The following CAPN2 variants were observed in gnomAD, a reference collection of about 807,000 sequenced individuals.
CAPN2 encodes the protein calpain-2 catalytic subunit.
A neutral mutation model predicts 102.3 loss-of-function variants in CAPN2; 92 were observed. The ratio of observed to expected loss-of-function variants is 0.90; its 90% confidence interval spans 0.76 to 1.07. The LOEUF (loss-of-function observed/expected upper bound fraction) is 1.07. Ranked by LOEUF, CAPN2 falls within the 50% of genes least tolerant of loss-of-function variation. The probability of loss-of-function intolerance (pLI) is 0.00; values close to 1 mark genes in which losing one functional copy is unlikely to be tolerated. For missense variants in CAPN2, 800 were observed against 909.4 expected, an observed-to-expected ratio of 0.88 and a Z score of 1.55; for synonymous variants, 340 against 355.4, an observed-to-expected ratio of 0.96 and a Z score of 0.49.
Position 223,755,063 on chromosome 1 carries a change from C to G in CAPN2, c.1136-417C>G, listed in dbSNP as rs569844447. On this transcript the variant is annotated intron_variant, in intron 9 of 20. Coordinates refer to ENST00000295006, the MANE Select transcript of CAPN2 (RefSeq NM_001748.5). This position sits in a 1 kb window ranked among gnomAD's most constrained non-coding sequence, Gnocchi z 4.1. Reference sequence around the variant, plus strand: ...GATTCAGACAAGTGCAGGTCATCCTCTCTCCACAGCTACCGTCACCCGTCT... The same window carrying G: ...GATTCAGACAAGTGCAGGTCATCCTGTCTCCACAGCTACCGTCACCCGTCT... Among the ~76,000 whole-genome samples, 3 of 152,116 alleles carry G rather than the reference C, an allele frequency of 2.0e-5. No individual in the cohort carries two copies. Among genetic ancestry groups the G allele is most frequent in the Non-Finnish European group, 4.4e-5 (3 of 68,028 alleles).
Position 223,759,138 on chromosome 1 carries a change from G to T in CAPN2, c.1318-132G>T, listed in dbSNP as rs536237681. ...AGGCTGGTTTCTGACGCCTGGCCTC[G>T]CCTCCTTATACACCAGGACAGCAGG... On this transcript the variant is annotated intron_variant, in intron 11 of 20. Coordinates refer to ENST00000295006, the MANE Select transcript of CAPN2 (RefSeq NM_001748.5). The surrounding 1 kb of genome is among the most constrained non-coding windows in gnomAD (Gnocchi z 4.6). 3 of 819,524 alleles carry T rather than the reference G, an allele frequency of 3.7e-6. No homozygotes were observed. 50.8% of individuals were successfully genotyped at this position (819,524 alleles called of 1,614,324 possible).
At chr1:223,752,142 GAA>G in intron 8 of CAPN2, 71 bp downstream of exon 8, 1 of 1,093,724 alleles carries the variant, frequency 9.1e-7, no homozygotes, top group East Asian at 2.4e-5. Flanking sequence ...CTGCTAATTA[GAA>G]AGAGTGTCGG....
intron 1 of CAPN2, among the ~76,000 whole-genome samples, chr1:223,714,621 TA>T (rs373544472): frequency 5.5e-4 from 72 of 130,934 alleles, no homozygotes; most frequent in East Asian, 2.9e-3. Context: ...TATAAAAAAG[TA>T]AAAAAAAAAA....
chr1:223,726,710 CT>C lies in CAPN2; in HGVS notation c.307+8881del, dbSNP rs1660198577. Among the ~76,000 whole-genome samples, 1 of 152,184 alleles carries C rather than the reference CT, an allele frequency of 6.6e-6. No homozygotes were observed. The highest frequency in any genetic ancestry group is 1.5e-5 in the Non-Finnish European group (1 of 68,036). On this transcript the variant is annotated intron_variant, in intron 2 of 20. Transcript: ENST00000295006. This position sits in a 1 kb window ranked among gnomAD's most constrained non-coding sequence, Gnocchi z 4.4. The stretch of plus-strand genomic sequence containing the variant: ...GCAGTTTAGGGAAGGAGGCTGAAGA[CT>C]TCTTGTTAATAAGGGTGGGGCATGA...
At position 223,772,048 on chromosome 1, in the gene CAPN2, C is replaced by T. The variant is rs1032750905; in HGVS notation, c.2020+123C>T. The T allele has an allele frequency of 6.2e-6, 7 of 1,131,242 alleles. No homozygotes were observed. In the East Asian group the frequency reaches 1.4e-4, roughly 23 times the overall value. 70.1% of individuals were successfully genotyped at this position (1,131,242 alleles called of 1,614,324 possible). ...TTCCAGGAGTTGAGAATGAAATTCC[C>T]TCTTTACTAATTTGAGGGTGAGGAA... On this transcript the variant is annotated intron_variant, in intron 19 of 20. Transcript: ENST00000295006.
At chr1:223,766,589 T>C (rs953400691) in intron 16 of CAPN2, among the ~76,000 whole-genome samples, 158 bp downstream of exon 16, 1 of 152,126 alleles carries the variant, frequency 6.6e-6, no homozygotes, top group Non-Finnish European at 1.5e-5. Context: ...CCTCCCTTAC[T>C]AGGGAAATGC....
chr1:223,737,972 A>G (rs1660510379), intron 2 of CAPN2, among the ~76,000 whole-genome samples: 1 of 151,752 alleles, frequency 6.6e-6, no homozygotes, highest in East Asian at 1.9e-4. Context: ...TGTGCCATTT[A>G]TTTATCTATA....
intron 2 of CAPN2, among the ~76,000 whole-genome samples, chr1:223,723,054 G>A (rs970248940): frequency 1.3e-5 from 2 of 152,174 alleles, no homozygotes; most frequent in Non-Finnish European, 2.9e-5. Flanking sequence ...AGTATGCAGT[G>A]GCTCACACCT....
At position 223,756,560 on chromosome 1, in the gene CAPN2, A is replaced by G. The variant is rs1406362814; in HGVS notation, c.1306-809A>G. Among the ~76,000 whole-genome samples the G allele has an allele frequency of 6.6e-6, 1 of 152,166 alleles. No individual in the cohort carries two copies. The stretch of plus-strand genomic sequence containing the variant: ...CAAATCAGAGCTTCCACCCTCTCCC[A>G]AGAGCCAGTTTCCCAGCACACCCCT... On this transcript the variant is annotated intron_variant, in intron 10 of 20. Coordinates refer to ENST00000295006, the MANE Select transcript of CAPN2 (RefSeq NM_001748.5). The surrounding 1 kb of genome is among the most constrained non-coding windows in gnomAD (Gnocchi z 4.1).
At chr1:223,737,476 C>T (rs896643981) in intron 2 of CAPN2, among the ~76,000 whole-genome samples, 4 of 152,216 alleles carry the variant, frequency 2.6e-5, no homozygotes, top group Admixed American at 6.5e-5. Context: ...GCAGAGACAC[C>T]GTCTGTCCCA....
rs538920789 is a variant in CAPN2, at chr1:223,712,718, G to A, written c.78G>A (p.Lys26=). The A allele has an allele frequency of 1.8e-5, 28 of 1,586,130 alleles. 1 individual carries two copies. The East Asian group carries it at 6.4e-4, about 36-fold the overall frequency. ...TGGGCTCCCACGACAGGGCCATCAA[G>A]TACCTCAACCAGGACTACGAGGCGC... ...EGLGSHDRAI[K]YLNQDYEALR... is the part of the protein sequence containing the mutation. The change falls in exon 1 of 21, where the codon AAG becomes AAA. Residue 26 remains lysine (K), a synonymous_variant. Transcript: ENST00000295006.
At chr1:223,764,595 A>G (rs1249615417) in intron 15 of CAPN2, among the ~76,000 whole-genome samples, 1 of 152,234 alleles carries the variant, frequency 6.6e-6, no homozygotes, top group Non-Finnish European at 1.5e-5. Flanking sequence ...CTGGAATCAC[A>G]GGCAAGTGCC....
chr1:223,710,499 A>G (rs1659705297), upstream of CAPN2, among the ~76,000 whole-genome samples: 1 of 151,822 alleles, frequency 6.6e-6, no homozygotes, highest in Non-Finnish European at 1.5e-5. Flanking sequence ...GTTCCTCCTT[A>G]GCCGAGGCTC....
At chr1:223,723,714 T>C (rs1250258597) in intron 2 of CAPN2, among the ~76,000 whole-genome samples, 1 of 152,036 alleles carries the variant, frequency 6.6e-6, no homozygotes, top group African/African-American at 2.4e-5. Context: ...CTGTGTTGCT[T>C]GGAGGCCCCT....
At chr1:223,702,632 G>C (rs1447601945) in intron 1 of CAPN2, among the ~76,000 whole-genome samples, 3 of 152,150 alleles carry the variant, frequency 2.0e-5, no homozygotes, top group Non-Finnish European at 4.4e-5. Context: ...ATCAAGAAGA[G>C]AGCAAAACGG....
At position 223,759,618 on chromosome 1, in the gene CAPN2, A is replaced by G. The variant is rs918135405; in HGVS notation, c.1529+137A>G. 2 of 655,084 alleles carry G rather than the reference A, an allele frequency of 3.1e-6. No homozygotes were observed. Among genetic ancestry groups the G allele is most frequent in the African/African-American group, 1.8e-5 (1 of 54,992 alleles). 40.6% of individuals were successfully genotyped at this position (655,084 alleles called of 1,614,324 possible). On this transcript the variant is annotated intron_variant, in intron 12 of 20. Transcript: ENST00000295006. This position sits in a 1 kb window ranked among gnomAD's most constrained non-coding sequence, Gnocchi z 4.6. Reference sequence around the variant, plus strand: ...TAACACCTGCCCACCTCGAAGGACTAGTGTGGGGATTTGATGGATTGAGGA... The same window carrying G: ...TAACACCTGCCCACCTCGAAGGACTGGTGTGGGGATTTGATGGATTGAGGA...
At position 223,764,207 on chromosome 1, in the gene CAPN2, C is replaced by T. The variant is rs1040817871; in HGVS notation, c.1690C>T (p.Arg564Cys). The T allele has an allele frequency of 3.1e-6, 5 of 1,612,966 alleles. No individual in the cohort carries two copies. The highest frequency in any genetic ancestry group is 2.2e-5 in the East Asian group (1 of 44,878). ...CATCCTGAGAAGGGTTCTAGCAAAG[C>T]GTGAGTATCCCCTCATTGCAAAACC... Reference protein sequence around the residue: ...QTILRRVLAKRQDIKSDGFSI... With the variant: ...QTILRRVLAKCQDIKSDGFSI... The change falls in exon 15 of 21, where the codon CGC (arginine) becomes TGC (cysteine). Residue 564 changes from arginine to cysteine, a missense_variant and splice_region_variant. Physicochemically the swap from Arg to Cys is radical, Grantham distance 180 (BLOSUM62 -3). Coordinates refer to ENST00000295006, the MANE Select transcript of CAPN2 (RefSeq NM_001748.5).
rs1254540566 is a variant in CAPN2, at chr1:223,725,789, A to G, written c.307+7958A>G. ...AAAGGGCCAGAGGCCCTTCAGTGCC[A>G]AGGAACGTGGACTCTCTCCTATCCC... is the stretch of plus-strand genomic sequence containing the variant. On this transcript the variant is annotated intron_variant, in intron 2 of 20. Transcript: ENST00000295006. The surrounding 1 kb of genome is among the most constrained non-coding windows in gnomAD (Gnocchi z 4.1). Among the ~76,000 whole-genome samples the G allele has an allele frequency of 2.6e-5, 4 of 152,158 alleles. No individual in the cohort carries two copies. The East Asian group carries it at 7.7e-4, about 29-fold the overall frequency.
chr1:223,736,063 C>T lies in CAPN2; in HGVS notation c.308-8037C>T, dbSNP rs7554290. The stretch of plus-strand genomic sequence containing the variant: ...AAAGTGCTGAGATTACAGGGTGAGC[C>T]ACCGCACCCAGCCTACTCGGGACCT... On this transcript the variant is annotated intron_variant, in intron 2 of 20. Transcript: ENST00000295006. Among the ~76,000 whole-genome samples, 1,250 of 152,288 alleles carry T rather than the reference C, an allele frequency of 8.2e-3. 16 individuals carry two copies. The highest frequency in any genetic ancestry group is 0.028 in the African/African-American group (1,170 of 41,566).
Sources: allele counts gnomAD v4.1 joint callset (sites outside exome capture counted in the v4.1 genomes callset), GRCh38; gene constraint gnomAD v4.1.1; non-coding constraint Gnocchi (gnomAD v3.1); transcripts MANE v1.5; gene names NCBI Gene and HGNC (gene_info 2026-07-23, HGNC 2026-07-21).